The following FBXO25 variants were observed in gnomAD, a reference collection of about 807,000 sequenced individuals.
The protein encoded by FBXO25 is F-box protein 25.
FBXO25 carries 45 observed loss-of-function variants against 51.9 expected under a neutral mutation model. That is an observed-to-expected ratio of 0.87 (90% CI 0.68 to 1.11). The LOEUF (loss-of-function observed/expected upper bound fraction) is 1.11, where lower values mean the gene tolerates loss of function less well. Ranked by LOEUF, FBXO25 falls within the 50% of genes most tolerant of loss-of-function variation. The pLI is 0.00. For missense variants in FBXO25, 507 were observed against 428.5 expected (o/e 1.18, Z -1.62); for synonymous variants, 199 against 151.0 (o/e 1.32, Z -2.33).
intron 1 of FBXO25, among the ~76,000 whole-genome samples, chr8:409,631 A>G (rs1478930832): frequency 7.9e-5 from 12 of 152,068 alleles, no homozygotes; most frequent in Admixed American, 3.3e-4. Flanking sequence ...GGTAAGTACA[A>G]TATTTGTGTG....
intron 6 of FBXO25, chr8:450,955 C>T (rs1010933587): frequency 4.5e-6 from 1 of 219,848 alleles, no homozygotes; most frequent in South Asian, 9.6e-5. Context: ...TATCATTCTA[C>T]TTTCTGTCTC....
Position 472,527 on chromosome 8 carries a change from C to A in FBXO25, c.*3723C>A, listed in dbSNP as rs1436893573. 1 of 151,748 alleles carries A rather than the reference C, an allele frequency of 6.6e-6. No homozygotes were observed. The highest frequency in any genetic ancestry group is 1.5e-5 in the Non-Finnish European group (1 of 68,038). The allele number at this position is 151,748 out of a possible 1,614,324, so 9.4% of individuals were successfully genotyped here. A position where few individuals can be genotyped will look rare whatever the true frequency, so the allele number is the denominator to read the frequency against. On this transcript the variant is annotated 3_prime_UTR_variant, in exon 10 of 10. Coordinates refer to ENST00000350302, the MANE Select transcript of FBXO25 (RefSeq NM_183420.2). ...CCCCCACCCCCACCCCACCTGCCAC[C>A]CACCACCTTGTGATCTCTTGGGTTT...
chr8:449,513 T>C (rs1798944376), intron 5 of FBXO25, among the ~76,000 whole-genome samples: 1 of 152,212 alleles, frequency 6.6e-6, no homozygotes, highest in Non-Finnish European at 1.5e-5. Context: ...TGAGTTTTGG[T>C]GTTGTGTTTC....
Position 463,066 on chromosome 8 carries a change from T to G in FBXO25, c.903T>G (p.Phe301Leu). 6.2e-7 allele frequency: 1 copy of G among 1,614,026 alleles called. No homozygotes were observed. The highest frequency in any genetic ancestry group is 8.5e-7 in the Non-Finnish European group (1 of 1,179,990). ...KGHIEWKLMY[F>L]ALQKHYPAKE... The stretch of plus-strand genomic sequence containing the variant: ...ATATTGAATGGAAGTTGATGTACTT[T>G]GCACTTCAGAAACATTACCCAGCGA... The change falls in exon 9 of 10, where the codon TTT becomes TTG. Residue 301 changes from phenylalanine to leucine, a missense_variant. Phe to Leu is a conservative substitution (Grantham distance 22, BLOSUM62 0). Transcript: ENST00000350302.
rs144856751 is a variant in FBXO25, at chr8:447,272, G to A, written c.382-2718G>A. 4.1e-3 allele frequency among the ~76,000 whole-genome samples: 619 copies of A among 152,210 alleles called. 7 individuals carry two copies. The highest frequency in any genetic ancestry group is 0.028 in the Admixed American group (421 of 15,286). Reference sequence around the variant, plus strand: ...ATTCACATACATGCAGGTAGCGGCTGGGGGAGAGAGTGGTGGAACTGGGAA... The same window carrying A: ...ATTCACATACATGCAGGTAGCGGCTAGGGGAGAGAGTGGTGGAACTGGGAA... On this transcript the variant is annotated intron_variant, in intron 5 of 9. Transcript: ENST00000350302.
At chr8:462,051 T>C (rs1799851559) in intron 8 of FBXO25, among the ~76,000 whole-genome samples, 2 of 152,170 alleles carry the variant, frequency 1.3e-5, no homozygotes, top group Non-Finnish European at 2.9e-5. Flanking sequence ...TGGATTCTGT[T>C]TAACTTTTTG....
At chr8:407,631 C>G (rs551850828) in intron 1 of FBXO25, among the ~76,000 whole-genome samples, 1 of 152,090 alleles carries the variant, frequency 6.6e-6, no homozygotes, top group African/African-American at 2.4e-5. Flanking sequence ...GGGACGACTC[C>G]TGCCGGCGTT....
chr8:428,142 ATTCTC>A (rs893004929), intron 2 of FBXO25, among the ~76,000 whole-genome samples: 1 of 151,960 alleles, frequency 6.6e-6, no homozygotes, highest in Non-Finnish European at 1.5e-5. Context: ...ATTCTTCTCT[ATTCTC>A]TTCTCTTCCT....
intron 2 of FBXO25, among the ~76,000 whole-genome samples, chr8:418,524 G>A (rs1297132139): frequency 6.6e-6 from 1 of 151,658 alleles, no homozygotes; most frequent in East Asian, 1.9e-4. Context: ...ATTTTTAGTA[G>A]AAACAGGGTT....
intron 5 of FBXO25, among the ~76,000 whole-genome samples, chr8:444,195 A>G (rs1798600349): frequency 6.6e-6 from 1 of 152,244 alleles, no homozygotes; most frequent in African/African-American, 2.4e-5. Context: ...AAAGGCGAAG[A>G]TTGAGCAAAG....
chr8:457,867 T>C (rs1025495153), intron 7 of FBXO25, among the ~76,000 whole-genome samples: 9 of 152,184 alleles, frequency 5.9e-5, no homozygotes, highest in African/African-American at 1.7e-4. Context: ...TTGCAGACGA[T>C]GTGGTCAACC....
chr8:437,753 T>G (rs11990180), intron 5 of FBXO25, among the ~76,000 whole-genome samples: 8,618 of 151,808 alleles, frequency 0.057, 400 homozygotes, highest in African/African-American at 0.13. Context: ...TTTTTTTTTT[T>G]TTACTTTATC....
At position 466,120 on chromosome 8, in the gene FBXO25, C is replaced by T. The variant is rs148432065; in HGVS notation, c.988-2595C>T. 3.7e-4 allele frequency among the ~76,000 whole-genome samples: 56 copies of T among 152,286 alleles called. 2 individuals are homozygous for T. In the East Asian group the frequency reaches 5.6e-3, roughly 15 times the overall value. On this transcript the variant is annotated intron_variant, in intron 9 of 9. Coordinates refer to ENST00000350302, the MANE Select transcript of FBXO25 (RefSeq NM_183420.2). ...GAATATCATTCTAGAAGGCAGTCCA[C>T]GTTTTTAGTTCTGAATCCATGCATT...
Position 469,064 on chromosome 8 carries a change from C to CTATA in FBXO25, c.*261_*262insATAT, listed in dbSNP as rs1484916153. On this transcript the variant is annotated 3_prime_UTR_variant, in exon 10 of 10. Coordinates refer to ENST00000350302, the MANE Select transcript of FBXO25 (RefSeq NM_183420.2). Reference sequence around the variant, plus strand: ...ATGTGAAATTTTGCGTACTCTCTCTCTCTATATATATAGTTCAAAAATACT... The same window carrying CTATA: ...ATGTGAAATTTTGCGTACTCTCTCTCTATATCTATATATATAGTTCAAAAATACT... The CTATA allele has an allele frequency of 2.3e-6, 1 of 440,810 alleles. No individual in the cohort carries two copies. Among genetic ancestry groups the CTATA allele is most frequent in the African/African-American group, 2.1e-5 (1 of 46,620 alleles). The allele number at this position is 440,810 out of a possible 1,614,324, so 27.3% of individuals were successfully genotyped here. A position where few individuals can be genotyped will look rare whatever the true frequency, so the allele number is the denominator to read the frequency against.
intron 5 of FBXO25, among the ~76,000 whole-genome samples, chr8:440,741 C>G (rs1247767981): frequency 6.6e-6 from 1 of 151,918 alleles, no homozygotes; most frequent in African/African-American, 2.4e-5. Flanking sequence ...TCCCCTAGCC[C>G]CCCACCCCCC....
At chr8:412,526 A>G (rs1444150836) in intron 1 of FBXO25, among the ~76,000 whole-genome samples, 2 of 152,160 alleles carry the variant, frequency 1.3e-5, no homozygotes, top group African/African-American at 4.8e-5. Context: ...CACAAATCTG[A>G]TTGAATCACT....
intron 5 of FBXO25, among the ~76,000 whole-genome samples, chr8:444,239 G>C (rs1389878652): frequency 6.6e-6 from 1 of 152,184 alleles, no homozygotes; most frequent in Non-Finnish European, 1.5e-5. Flanking sequence ...AATACTTTCT[G>C]TATTTTGTAG....
intron 2 of FBXO25, among the ~76,000 whole-genome samples, chr8:418,330 G>GTTGT (rs1796934500): frequency 9.6e-6 from 1 of 104,612 alleles, no homozygotes; most frequent in Non-Finnish European, 2.1e-5. Context: ...TCGTTTGTTT[G>GTTGT]TTCTTTTTTT....
chr8:458,485 G>C lies in FBXO25; in HGVS notation c.777G>C (p.Leu259Phe). The C allele has an allele frequency of 6.2e-7, 1 of 1,614,160 alleles. No individual in the cohort carries two copies. Residue 259 changes from leucine (L) to phenylalanine (F), a missense_variant, in exon 8 of 10, where the codon TTG becomes TTC. Transcript: ENST00000350302. ...CCTTAGGCCAGGTGACCCCCACGTT[G>C]TATATGCTTAGTGAAGACAGACAGC... ...IITLGQVTPT[L>F]YMLSEDRQLW...
Sources: gnomAD v4.1 joint callset for allele counts (sites outside exome capture counted in the v4.1 genomes callset) on GRCh38, gnomAD v4.1.1 for gene constraint, MANE v1.5 for transcripts, NCBI Gene and HGNC (gene_info 2026-07-23, HGNC 2026-07-21) for gene names.